Variants in DPP4 observed in about 807,000 individuals in gnomAD.
DPP4 encodes the protein ADCP-2.
DPP4 carries 93 observed loss-of-function variants against 122.4 expected under a neutral mutation model. The ratio of observed to expected loss-of-function variants is 0.76; its 90% CI spans 0.64 to 0.90. DPP4 has a LOEUF of 0.90. Among genes scored for constraint, DPP4 ranks in the 40% least tolerant of loss-of-function variants. The probability of loss-of-function intolerance (pLI) is 0.00; values close to 1 mark genes in which losing one functional copy is unlikely to be tolerated. For missense variants in DPP4, 914 were observed against 907.3 expected (o/e 1.01, Z -0.09); for synonymous variants, 321 against 302.9 (o/e 1.06, Z -0.62).
chr2:162,067,717 T>C (rs1217719757), intron 2 of DPP4, among the ~76,000 whole-genome samples: 1 of 152,166 alleles, frequency 6.6e-6, no homozygotes, highest in African/African-American at 2.4e-5. Flanking sequence ...ACTCTCAAAT[T>C]GAGAGACACA....
At chr2:162,023,958 G>A (rs146210274) in intron 11 of DPP4, among the ~76,000 whole-genome samples, 241 of 152,336 alleles carry the variant, frequency 1.6e-3, no homozygotes, top group African/African-American at 5.3e-3. Context: ...CCATAGCTTA[G>A]CACAGAGCTT....
intron 23 of DPP4, 136 bp downstream of exon 23, chr2:162,005,609 A>C: frequency 2.7e-6 from 2 of 736,466 alleles, no homozygotes; most frequent in Non-Finnish European, 4.4e-6. Context: ...GTATCTCTAA[A>C]CCACCTGTGT....
chr2:162,011,516 G>C (rs1682706038), intron 20 of DPP4, among the ~76,000 whole-genome samples: 1 of 152,004 alleles, frequency 6.6e-6, no homozygotes, highest in Non-Finnish European at 1.5e-5. Context: ...TTGATTTTCT[G>C]TTCTTAGAAT....
intron 9 of DPP4, among the ~76,000 whole-genome samples, chr2:162,033,893 T>TATATATAC (rs1491588211): frequency 5.1e-4 from 71 of 138,584 alleles, no homozygotes; most frequent in African/African-American, 1.9e-3. Context: ...TATATATATA[T>TATATATAC]ACACACTATA....
At chr2:162,037,256 G>A (rs565681331) in intron 8 of DPP4, among the ~76,000 whole-genome samples, 134 of 152,268 alleles carry the variant, frequency 8.8e-4, no homozygotes, top group African/African-American at 3.2e-3. Context: ...CTTCCAGAGG[G>A]CCAGCTGTTT....
intron 20 of DPP4, among the ~76,000 whole-genome samples, chr2:162,011,103 G>A (rs10166311): frequency 0.34 from 51,465 of 151,558 alleles, 9,054 homozygotes; most frequent in East Asian, 0.65. Context: ...CCACCTCTCG[G>A]GGCTTCAGCG....
intron 10 of DPP4, among the ~76,000 whole-genome samples, 183 bp downstream of exon 10, chr2:162,033,358 G>T (rs749405678): frequency 1.3e-5 from 2 of 152,164 alleles, no homozygotes; most frequent in Non-Finnish European, 2.9e-5. Flanking sequence ...CATCTCTAGA[G>T]TTGTGCCCAG....
At chr2:162,064,662 A>T (rs1390462760) in intron 2 of DPP4, among the ~76,000 whole-genome samples, 1 of 152,248 alleles carries the variant, frequency 6.6e-6, no homozygotes, top group Non-Finnish European at 1.5e-5. Context: ...GTAAATTGTC[A>T]GTAATTCCCC....
At chr2:162,043,061 T>C (rs1684041938) in intron 5 of DPP4, among the ~76,000 whole-genome samples, 1 of 152,146 alleles carries the variant, frequency 6.6e-6, no homozygotes, top group African/African-American at 2.4e-5. Flanking sequence ...AGGGTGATGC[T>C]TGAGAAAAAG....
At position 161,993,303 on chromosome 2, in the gene DPP4, GT is replaced by G. The variant is rs761617218; in HGVS notation, c.2280del (p.Lys760AsnfsTer16). 2 of 1,612,728 alleles carry G rather than the reference GT, an allele frequency of 1.2e-6. No homozygotes were observed. The highest frequency in any genetic ancestry group is 1.7e-6 in the Non-Finnish European group (2 of 1,178,942). ...HIYTHMSHFI[K>X]QCFSLP ...AGGTGCTAAGGTAAAGAGAAACATT[GT>G]TTTATGAAGTGGCTCATGTGGGTAT... On this transcript the variant is annotated frameshift_variant, in exon 26 of 26. Transcript: ENST00000360534. LOFTEE classifies it high-confidence loss of function.
chr2:162,026,596 C>A (rs1683336915), intron 10 of DPP4, among the ~76,000 whole-genome samples: 1 of 152,172 alleles, frequency 6.6e-6, no homozygotes, highest in South Asian at 2.1e-4. Flanking sequence ...TTCTTGGAAA[C>A]CTCCTTCTCC....
At chr2:162,057,321 G>A (rs555811828) in intron 2 of DPP4, among the ~76,000 whole-genome samples, 48 of 152,310 alleles carry the variant, frequency 3.2e-4, no homozygotes, top group Middle Eastern at 3.4e-3. Context: ...CCGTAAGCCT[G>A]AGCCAGTCAC....
chr2:162,046,990 G>A lies in DPP4; in HGVS notation c.210C>T (p.Tyr70=). Residue 70 remains tyrosine (Y), a synonymous_variant, in exon 4 of 26, where the codon TAC becomes TAT. Coordinates refer to ENST00000360534, the MANE Select transcript of DPP4 (RefSeq NM_001935.4). The part of the protein sequence containing the change: ...LRWISDHEYL[Y]KQENNILVFN... ...ATACCAAGATATTATTTTCTTGTTT[G>A]TAGAGATATTCATGATCTAAAGAGA... The A allele has an allele frequency of 6.3e-7, 1 of 1,583,082 alleles. No homozygotes were observed. Among genetic ancestry groups the A allele is most frequent in the East Asian group, 2.2e-5 (1 of 44,652 alleles).
intron 2 of DPP4, among the ~76,000 whole-genome samples, chr2:162,049,546 C>A (rs1684311146): frequency 6.6e-6 from 1 of 151,982 alleles, no homozygotes; most frequent in Non-Finnish European, 1.5e-5. Context: ...GGCTTAATAC[C>A]AAGGCGATGG....
At position 162,016,786 on chromosome 2, in the gene DPP4, T is replaced by G. The variant is rs1682941767; in HGVS notation, c.1549A>C (p.Ile517Leu). Residue 517 changes from isoleucine (I) to leucine (L), a missense_variant, in exon 18 of 26, where the codon ATT becomes CTT. Ile to Leu is a conservative substitution (Grantham distance 5). Transcript: ENST00000360534. ...AACTTACTTGTTTCATTCAAAATAA[T>G]GAAGTCCAGTTTTTTGGAGGGCATC... is the stretch of plus-strand genomic sequence containing the variant. The part of the protein sequence containing the change: ...VQMPSKKLDF[I>L]ILNETKFWYQ... 1.9e-6 allele frequency: 3 copies of G among 1,612,296 alleles called. No individual in the cohort carries two copies. The East Asian group carries it at 6.7e-5, about 36-fold the overall frequency.
intron 23 of DPP4, among the ~76,000 whole-genome samples, chr2:161,997,688 T>C (rs1701041118): frequency 1.3e-5 from 2 of 152,226 alleles, no homozygotes. Context: ...GCATTTACTC[T>C]GTGCCTGTCG....
chr2:162,061,533 A>C (rs1684771823), intron 2 of DPP4, among the ~76,000 whole-genome samples: 1 of 152,228 alleles, frequency 6.6e-6, no homozygotes, highest in African/African-American at 2.4e-5. Flanking sequence ...TTTCTTAACC[A>C]AACTATTAAT....
intron 8 of DPP4, 111 bp from the exon 9 acceptor site, chr2:162,035,435 G>C: frequency 3.2e-6 from 3 of 930,302 alleles, no homozygotes; most frequent in Non-Finnish European, 4.8e-6. Context: ...TTCAACTAAT[G>C]AACCACTTTG....
chr2:162,026,415 C>T (rs1469144042), intron 10 of DPP4, among the ~76,000 whole-genome samples: 2 of 152,176 alleles, frequency 1.3e-5, no homozygotes, highest in East Asian at 1.9e-4. Flanking sequence ...CTTTTACTTG[C>T]TTCTGAAGAA....
Sources: allele counts gnomAD v4.1 joint callset (sites outside exome capture counted in the v4.1 genomes callset), GRCh38; gene constraint gnomAD v4.1.1; transcripts MANE v1.5; gene names NCBI Gene and HGNC (gene_info 2026-07-23, HGNC 2026-07-21).